Variants in ANKRD42 observed in about 807,000 individuals in gnomAD.
ANKRD42 encodes the protein ankyrin repeat domain 42.
In ANKRD42, 43 loss-of-function variants were observed where a neutral mutation model predicts 51.5. The observed-to-expected ratio is 0.83, with a 90% CI of 0.65 to 1.08. The LOEUF (loss-of-function observed/expected upper bound fraction) is 1.08, where lower values mean the gene tolerates loss of function less well. Ranked by LOEUF, ANKRD42 falls within the 50% of genes least tolerant of loss-of-function variation. The pLI, the probability that ANKRD42 is intolerant of heterozygous loss-of-function variation, is 0.00. For synonymous variants in ANKRD42, 203 were observed against 213.0 expected, an observed-to-expected ratio of 0.95 and a Z score of 0.41; for missense variants, 608 against 629.3, an observed-to-expected ratio of 0.97 and a Z score of 0.36.
downstream of ANKRD42, among the ~76,000 whole-genome samples, chr11:83,251,958 A>C (rs1243082950): frequency 6.6e-6 from 1 of 152,240 alleles, no homozygotes; most frequent in Non-Finnish European, 1.5e-5. Context: ...AACAGACTTG[A>C]AAAGGCAAGC....
intron 5 of ANKRD42, among the ~76,000 whole-genome samples, chr11:83,212,167 T>C (rs1413118030): frequency 6.6e-6 from 1 of 152,134 alleles, no homozygotes; most frequent in Non-Finnish European, 1.5e-5. Context: ...CACTGCAACC[T>C]CTGCCTTCCA....
chr11:83,250,777 A>G (rs1351723925), downstream of ANKRD42, among the ~76,000 whole-genome samples: 3 of 152,154 alleles, frequency 2.0e-5, no homozygotes, highest in Non-Finnish European at 4.4e-5. Flanking sequence ...TCAACTACCC[A>G]GTCTTGGACT....
At chr11:83,254,033 G>A in intron 11 of ANKRD42, among the ~76,000 whole-genome samples, 1 of 152,138 alleles carries the variant, frequency 6.6e-6, no homozygotes, top group Admixed American at 6.5e-5. Context: ...GGCATTCAGG[G>A]TCATGATCTT....
rs1457278281 is a variant in ANKRD42 at position 83,255,862 on chromosome 11, T to G, written c.1482T>G (p.Cys494Trp). The change falls in exon 12 of 12, where the codon TGT becomes TGG. Residue 494 changes from cysteine to tryptophan, a missense_variant. Cys to Trp is a radical substitution (Grantham distance 215, BLOSUM62 -2). Transcript: ENST00000260047. ...GCTTATAGGAAGACAGCGCTTCTTG[T>G]GAGTCAAACAAAGAGAAGAGGCGAG... is the stretch of plus-strand genomic sequence containing the variant. The G allele has an allele frequency of 5.9e-6, 9 of 1,533,302 alleles. No individual in the cohort carries two copies. In the East Asian group the frequency reaches 2.0e-4, roughly 33 times the overall value. The allele number at this position is 1,533,302 out of a possible 1,614,324, so 95.0% of individuals were successfully genotyped here. A position where few individuals can be genotyped will look rare whatever the true frequency, so the allele number is the denominator to read the frequency against.
intron 7 of ANKRD42, among the ~76,000 whole-genome samples, chr11:83,229,235 A>G (rs539249903): frequency 6.6e-6 from 1 of 151,962 alleles, no homozygotes; most frequent in East Asian, 1.9e-4. Context: ...TTGTAAGTAA[A>G]TTAGTCAAAT....
chr11:83,202,823 C>G (rs1369511224), intron 2 of ANKRD42, among the ~76,000 whole-genome samples: 1 of 152,074 alleles, frequency 6.6e-6, no homozygotes, highest in African/African-American at 2.4e-5. Context: ...TCTCATTCAT[C>G]TTTTTTTCCA....
downstream of ANKRD42, chr11:83,260,461 G>C (rs928541899): frequency 6.6e-6 from 1 of 152,142 alleles, no homozygotes; most frequent in African/African-American, 2.4e-5. Context: ...AAATGAATCA[G>C]AATGTAACAG....
At chr11:83,233,213 GTT>G (rs777086695) in intron 7 of ANKRD42, among the ~76,000 whole-genome samples, 11 of 134,338 alleles carry the variant, frequency 8.2e-5, no homozygotes, top group Admixed American at 1.5e-4. Flanking sequence ...CGGGTCTGGG[GTT>G]TTTTTTTTTT....
rs774936156 is a variant in ANKRD42 at position 83,210,289 on chromosome 11, T to C, written c.331-11T>C. 13 of 1,612,390 alleles carry C rather than the reference T, an allele frequency of 8.1e-6. No individual in the cohort carries two copies. Among genetic ancestry groups the C allele is most frequent in the East Asian group, 2.2e-5 (1 of 44,858 alleles). On this transcript the variant is annotated splice_polypyrimidine_tract_variant and intron_variant, in intron 3 of 10. Coordinates refer to ENST00000533342, the MANE Select transcript of ANKRD42 (RefSeq NM_001300975.2). The stretch of plus-strand genomic sequence containing the variant: ...ACTCATGTAAAGTCTTTCCTATTTC[T>C]CTATTTTTAGGCTCTTATAATGAAT...
At chr11:83,216,137 A>G (rs1009184762) in intron 5 of ANKRD42, among the ~76,000 whole-genome samples, 3 of 151,988 alleles carry the variant, frequency 2.0e-5, no homozygotes, top group Admixed American at 6.6e-5. Context: ...ACAGGTTGCT[A>G]TAGCTATTAT....
intron 5 of ANKRD42, among the ~76,000 whole-genome samples, chr11:83,223,568 A>G (rs1050253313): frequency 3.3e-5 from 5 of 152,124 alleles, no homozygotes; most frequent in African/African-American, 9.7e-5. Flanking sequence ...ACGGGGAGAT[A>G]ATATAAGGTA....
At chr11:83,254,440 T>C (rs1455994404) in intron 11 of ANKRD42, among the ~76,000 whole-genome samples, 3 of 149,242 alleles carry the variant, frequency 2.0e-5, no homozygotes, top group East Asian at 2.0e-4. Context: ...CTTTTCTTTT[T>C]TTTTTTTTTG....
chr11:83,227,858 C>T lies in ANKRD42; in HGVS notation c.899C>T (p.Thr300Ile). 6.2e-7 allele frequency: 1 copy of T among 1,608,218 alleles called. No homozygotes were observed. Among genetic ancestry groups the T allele is most frequent in the Non-Finnish European group, 8.5e-7 (1 of 1,178,302 alleles). ...NINERADNGS[T>I]PMHKAAGQGH... ...AATGAGCGTGCTGATAATGGATCAA[C>T]TCCTATGCATAAAGGTGAGTTATGA... Residue 300 changes from threonine (T) to isoleucine (I), a missense_variant, in exon 7 of 11, where the codon ACT (threonine) becomes ATT (isoleucine). Physicochemically the swap from Thr to Ile is moderately conservative, Grantham distance 89. Coordinates refer to ENST00000533342, the MANE Select transcript of ANKRD42 (RefSeq NM_001300975.2).
intron 5 of ANKRD42, chr11:83,213,348 G>A: frequency 6.3e-7 from 1 of 1,579,946 alleles, no homozygotes; most frequent in Non-Finnish European, 8.6e-7. Context: ...CTGCCCAGCT[G>A]TCCATCGGAG....
At chr11:83,208,715 G>T (rs1335090049) in intron 3 of ANKRD42, among the ~76,000 whole-genome samples, 1 of 152,174 alleles carries the variant, frequency 6.6e-6, no homozygotes, top group Admixed American at 6.5e-5. Flanking sequence ...AATCTGAAAA[G>T]CAAGGAAGAT....
intron 3 of ANKRD42, among the ~76,000 whole-genome samples, chr11:83,206,604 C>G (rs1862084828): frequency 6.6e-6 from 1 of 152,222 alleles, no homozygotes; most frequent in South Asian, 2.1e-4. Flanking sequence ...AGAGCTAGCT[C>G]TCTAGCCTCT....
intron 5 of ANKRD42, chr11:83,212,966 G>A (rs756612943): frequency 1.2e-4 from 194 of 1,564,258 alleles, no homozygotes; most frequent in Admixed American, 6.3e-4. Context: ...CTCTCTCGGC[G>A]CTGCCTACGG....
intron 5 of ANKRD42, chr11:83,214,244 C>T (rs1349726909): frequency 5.4e-6 from 1 of 186,682 alleles, no homozygotes; most frequent in Non-Finnish European, 1.0e-5. Context: ...TGTAGTTAGT[C>T]CTTTCTGTAC....
rs558732489 is a variant in ANKRD42 at position 83,208,044 on chromosome 11, G to A, written c.330+1879G>A. ...TTTTGTTTTTGTTTTTGTTTTTTGA[G>A]ACAGGGTCTTGCTCTGTCACCCTGG... On this transcript the variant is annotated intron_variant, in intron 3 of 10. Transcript: ENST00000533342. 5.3e-5 allele frequency among the ~76,000 whole-genome samples: 8 copies of A among 152,000 alleles called. No homozygotes were observed. In the South Asian group the frequency reaches 1.0e-3, roughly 20 times the overall value.
Sources: gnomAD v4.1 joint callset for allele counts (sites outside exome capture counted in the v4.1 genomes callset) on GRCh38, gnomAD v4.1.1 for gene constraint, MANE v1.5 for transcripts, NCBI Gene and HGNC (gene_info 2026-07-23, HGNC 2026-07-21) for gene names.